Variants in NKAIN2 observed in about 807,000 individuals in gnomAD.
NKAIN2 encodes sodium/potassium transporting ATPase interacting 2.
A neutral mutation model predicts 32.6 loss-of-function variants in NKAIN2; 14 were observed. The ratio of observed to expected loss-of-function variants is 0.43; its 90% CI spans 0.28 to 0.67. The LOEUF (loss-of-function observed/expected upper bound fraction) is 0.67, where lower values mean the gene tolerates loss of function less well. NKAIN2 is among the 30% of genes least tolerant of loss of function. The probability of loss-of-function intolerance (pLI) is 0.17; values close to 1 mark genes in which losing one functional copy is unlikely to be tolerated. For synonymous variants in NKAIN2, 80 were observed against 87.2 expected, an observed-to-expected ratio of 0.92 and a Z score of 0.46; for missense variants, 198 against 258.3, an observed-to-expected ratio of 0.77 and a Z score of 1.60.
At position 124,284,821 on chromosome 6, in the gene NKAIN2, G is replaced by A. The variant is rs141672983; in HGVS notation, c.192+1679G>A. The stretch of plus-strand genomic sequence containing the variant: ...TACTAACCTGTGTAACATAGCAATA[G>A]GCTGAAAGGAAATTTAAAATAGAGC... On this transcript the variant is annotated intron_variant, in intron 2 of 6. Transcript: ENST00000368417. 5.0e-3 allele frequency among the ~76,000 whole-genome samples: 764 copies of A among 151,704 alleles called. 8 individuals are homozygous for A. The highest frequency in any genetic ancestry group is 0.017 in the African/African-American group (717 of 41,390).
intron 1 of NKAIN2, among the ~76,000 whole-genome samples, chr6:124,205,794 G>A (rs1790846798): frequency 6.6e-6 from 1 of 151,842 alleles, no homozygotes; most frequent in South Asian, 2.1e-4. Flanking sequence ...TCGCTTCAGA[G>A]CAGTCCATGT....
intron 2 of NKAIN2, among the ~76,000 whole-genome samples, chr6:124,303,707 A>T (rs1382001295): frequency 6.6e-6 from 1 of 152,240 alleles, no homozygotes; most frequent in African/African-American, 2.4e-5. Context: ...ATATGATCAG[A>T]TATAATAATC....
intron 3 of NKAIN2, among the ~76,000 whole-genome samples, chr6:124,590,617 G>A (rs993854248): frequency 6.6e-6 from 1 of 152,174 alleles, no homozygotes; most frequent in African/African-American, 2.4e-5. Flanking sequence ...CATCATGGTG[G>A]CATTTCCAGG....
intron 4 of NKAIN2, among the ~76,000 whole-genome samples, chr6:124,700,887 C>G (rs950142103): frequency 2.0e-5 from 3 of 151,538 alleles, no homozygotes; most frequent in Non-Finnish European, 4.4e-5. Context: ...CACACACACA[C>G]ACACACACAC....
intron 1 of NKAIN2, among the ~76,000 whole-genome samples, chr6:123,943,142 A>C (rs1284582996): frequency 6.6e-6 from 1 of 152,056 alleles, no homozygotes; most frequent in East Asian, 1.9e-4. Context: ...AATACAGTTG[A>C]TAAACTATTA....
chr6:123,899,619 A>G (rs1452198609), intron 1 of NKAIN2, among the ~76,000 whole-genome samples: 1 of 152,188 alleles, frequency 6.6e-6, no homozygotes, highest in Non-Finnish European at 1.5e-5. Flanking sequence ...CACTACCTAC[A>G]GGTCAAATCG....
At chr6:124,124,529 T>G (rs1010849424) in intron 1 of NKAIN2, among the ~76,000 whole-genome samples, 23 of 152,176 alleles carry the variant, frequency 1.5e-4, no homozygotes, top group African/African-American at 5.1e-4. Flanking sequence ...AGCCTAATTC[T>G]TTGCACAATA....
intron 3 of NKAIN2, among the ~76,000 whole-genome samples, chr6:124,555,991 G>A (rs1780459116): frequency 6.6e-6 from 1 of 151,500 alleles, no homozygotes; most frequent in Non-Finnish European, 1.5e-5. Context: ...TTATTGAAAT[G>A]GTGCCCTTGG....
At chr6:124,347,237 A>T (rs1798473003) in intron 2 of NKAIN2, among the ~76,000 whole-genome samples, 1 of 152,044 alleles carries the variant, frequency 6.6e-6, no homozygotes, top group Non-Finnish European at 1.5e-5. Context: ...TTTGTGGGTA[A>T]CCCGACCTTT....
At chr6:123,814,937 A>C (rs1773629466) in intron 1 of NKAIN2, among the ~76,000 whole-genome samples, 1 of 152,236 alleles carries the variant, frequency 6.6e-6, no homozygotes, top group African/African-American at 2.4e-5. Context: ...TGATCATTTA[A>C]AAGTGAATGA....
intron 4 of NKAIN2, among the ~76,000 whole-genome samples, chr6:124,700,991 A>C (rs979283055): frequency 2.0e-5 from 3 of 151,510 alleles, no homozygotes; most frequent in Admixed American, 1.3e-4. Flanking sequence ...TTTTAAAATA[A>C]TGCCCTAGAA....
chr6:123,809,928 A>T (rs1773386567), intron 1 of NKAIN2, among the ~76,000 whole-genome samples: 1 of 152,152 alleles, frequency 6.6e-6, no homozygotes, highest in Non-Finnish European at 1.5e-5. Context: ...TGCTACATAT[A>T]AACTGATTTT....
At chr6:124,626,764 C>T (rs144393864) in intron 3 of NKAIN2, among the ~76,000 whole-genome samples, 5 of 152,142 alleles carry the variant, frequency 3.3e-5, no homozygotes, top group East Asian at 1.9e-4. Flanking sequence ...AGTTCTGCCC[C>T]GAAGCACCTT....
chr6:124,743,100 A>G (rs1318706893), intron 4 of NKAIN2, among the ~76,000 whole-genome samples: 2 of 151,874 alleles, frequency 1.3e-5, no homozygotes, highest in Admixed American at 1.3e-4. Context: ...GGCAGGGGAT[A>G]GTGGTTGAAA....
intron 3 of NKAIN2, among the ~76,000 whole-genome samples, chr6:124,574,668 A>G (rs927187794): frequency 3.3e-5 from 5 of 152,252 alleles, no homozygotes; most frequent in African/African-American, 4.8e-5. Context: ...AACACCAGTG[A>G]AAATGGCAAA....
At chr6:124,003,246 C>T (rs1033038472) in intron 1 of NKAIN2, among the ~76,000 whole-genome samples, 1 of 152,138 alleles carries the variant, frequency 6.6e-6, no homozygotes. Context: ...TAGACTTACA[C>T]ATTAGTGACA....
intron 1 of NKAIN2, among the ~76,000 whole-genome samples, chr6:124,052,836 T>C (rs1327105138): frequency 6.6e-6 from 1 of 152,042 alleles, no homozygotes; most frequent in African/African-American, 2.4e-5. Flanking sequence ...GACAGATGTT[T>C]ATCTGCAGGG....
chr6:123,844,470 G>A (rs1027181653), intron 1 of NKAIN2, among the ~76,000 whole-genome samples: 1 of 152,002 alleles, frequency 6.6e-6, no homozygotes, highest in Non-Finnish European at 1.5e-5. Flanking sequence ...CCTTTAAATA[G>A]CATCCCCTTT....
intron 3 of NKAIN2, among the ~76,000 whole-genome samples, chr6:124,417,284 T>C (rs761161795): frequency 7.2e-5 from 11 of 152,024 alleles, no homozygotes; most frequent in Non-Finnish European, 8.8e-5. Flanking sequence ...ATATAGAATA[T>C]AGAGAATCAA....
Sources: gnomAD v4.1 joint callset for allele counts (sites outside exome capture counted in the v4.1 genomes callset) on GRCh38, gnomAD v4.1.1 for gene constraint, MANE v1.5 for transcripts, NCBI Gene and HGNC (gene_info 2026-07-23, HGNC 2026-07-21) for gene names.